ERC2: variants seen among roughly 807,000 people sequenced by gnomAD.
ERC2 encodes the protein ELKS/RAB6-interacting/CAST family member 2.
Under a neutral mutation model 114.8 loss-of-function variants are expected in ERC2, and 42 were observed. The ratio of observed to expected loss-of-function variants is 0.37; its 90% CI spans 0.29 to 0.47. ERC2 has a LOEUF of 0.47. Among genes scored for constraint, ERC2 ranks in the 20% least tolerant of loss-of-function variants. ERC2 has a pLI of 0.99. For synonymous variants in ERC2, 454 were observed against 425.5 expected, an observed-to-expected ratio of 1.07 and a Z score of -0.82; for missense variants, 939 against 1,150.7, an observed-to-expected ratio of 0.82 and a Z score of 2.66.
intron 11 of ERC2, among the ~76,000 whole-genome samples, chr3:55,990,152 T>G (rs1474497504): frequency 1.3e-5 from 2 of 152,204 alleles, no homozygotes; most frequent in Admixed American, 6.5e-5. Context: ...TCCCCACTTT[T>G]TAAGAACCAG....
intron 17 of ERC2, among the ~76,000 whole-genome samples, chr3:55,541,863 C>T (rs970721764): frequency 1.3e-5 from 2 of 152,152 alleles, no homozygotes; most frequent in Admixed American, 6.5e-5. Flanking sequence ...TATGCCAAGT[C>T]AATGTTTTTT....
At chr3:55,732,209 C>T (rs2065293277) in intron 15 of ERC2, among the ~76,000 whole-genome samples, 1 of 152,092 alleles carries the variant, frequency 6.6e-6, no homozygotes, top group African/African-American at 2.4e-5. Context: ...GGATACAAGA[C>T]CCAGCATGGA....
intron 17 of ERC2, among the ~76,000 whole-genome samples, chr3:55,572,488 T>C (rs1466501326): frequency 1.3e-5 from 2 of 152,264 alleles, no homozygotes; most frequent in African/African-American, 2.4e-5. Flanking sequence ...GGGCCATTTT[T>C]TGGACCCTCA....
chr3:55,673,388 T>A (rs1204485041), intron 17 of ERC2, among the ~76,000 whole-genome samples: 1 of 152,030 alleles, frequency 6.6e-6, no homozygotes, highest in East Asian at 1.9e-4. Context: ...ATTGAGACCA[T>A]CCTGGCCAAC....
intron 3 of ERC2, among the ~76,000 whole-genome samples, chr3:56,286,749 T>G (rs1450780089): frequency 2.6e-5 from 4 of 151,608 alleles, no homozygotes; most frequent in Non-Finnish European, 4.4e-5. Flanking sequence ...GTAAAAAACA[T>G]TCTTAGCTCC....
intron 14 of ERC2, among the ~76,000 whole-genome samples, chr3:55,834,419 C>T (rs2060774903): frequency 6.6e-6 from 1 of 152,054 alleles, no homozygotes; most frequent in Non-Finnish European, 1.5e-5. Flanking sequence ...TCTCTCAGAC[C>T]ACAGTGCAAT....
chr3:56,208,133 G>A (rs1324628546), intron 3 of ERC2, among the ~76,000 whole-genome samples: 1 of 152,130 alleles, frequency 6.6e-6, no homozygotes, highest in Admixed American at 6.5e-5. Context: ...ATAAACTGAC[G>A]CATCTTCAAC....
intron 7 of ERC2, among the ~76,000 whole-genome samples, chr3:56,070,209 C>T (rs2076665869): frequency 6.6e-6 from 1 of 152,162 alleles, no homozygotes; most frequent in Non-Finnish European, 1.5e-5. Context: ...TTCCTTCCCA[C>T]ATAAATAAGG....
At chr3:56,180,415 C>A (rs553363328) in intron 3 of ERC2, among the ~76,000 whole-genome samples, 4 of 152,194 alleles carry the variant, frequency 2.6e-5, no homozygotes, top group African/African-American at 7.2e-5. Flanking sequence ...AGAAGCAACC[C>A]AAATGTCCAT....
At chr3:56,291,007 T>C (rs1417065169) in intron 3 of ERC2, among the ~76,000 whole-genome samples, 1 of 152,236 alleles carries the variant, frequency 6.6e-6, no homozygotes, top group Non-Finnish European at 1.5e-5. Context: ...CAGCAGAACA[T>C]ATACTGCTTC....
intron 3 of ERC2, among the ~76,000 whole-genome samples, chr3:56,224,214 G>A (rs557067448): frequency 6.6e-6 from 1 of 152,222 alleles, no homozygotes; most frequent in South Asian, 2.1e-4. Context: ...AAGGGAATGT[G>A]GTAAAATTTT....
At chr3:55,842,071 CTTAAG>C (rs559467368) in intron 14 of ERC2, among the ~76,000 whole-genome samples, 41 of 152,184 alleles carry the variant, frequency 2.7e-4, no homozygotes, top group South Asian at 1.5e-3. Flanking sequence ...AGTGAAGTAA[CTTAAG>C]TTAACTAGCA....
At chr3:55,969,020 T>C (rs565984689) in intron 12 of ERC2, among the ~76,000 whole-genome samples, 25 of 152,184 alleles carry the variant, frequency 1.6e-4, no homozygotes, top group Admixed American at 1.3e-3. Context: ...AGATAACTGT[T>C]TCCCCAGTCA....
rs1028587441 is a variant in ERC2, at chr3:56,139,253, C to T, written c.1473+256G>A. On this transcript the variant is annotated intron_variant, in intron 6 of 17. Coordinates refer to ENST00000288221, the MANE Select transcript of ERC2 (RefSeq NM_015576.3). ...CTAATTATACAGTCTTTATTTATCCCACTTAGTATAAGAAATTTTTTTAAT... is the reference window on the plus strand; with the variant it reads ...CTAATTATACAGTCTTTATTTATCCTACTTAGTATAAGAAATTTTTTTAAT... Among the ~76,000 whole-genome samples, 3 of 152,200 alleles carry T rather than the reference C, an allele frequency of 2.0e-5. No homozygotes were observed. In the South Asian group the frequency reaches 6.2e-4, roughly 32 times the overall value.
intron 14 of ERC2, among the ~76,000 whole-genome samples, chr3:55,754,871 C>A (rs572587597): frequency 6.6e-6 from 1 of 152,030 alleles, no homozygotes; most frequent in Non-Finnish European, 1.5e-5. Context: ...ATCTATAACC[C>A]ATAAGCTGTA....
chr3:56,191,287 AG>A (rs1424614017), intron 3 of ERC2, among the ~76,000 whole-genome samples: 18 of 152,096 alleles, frequency 1.2e-4, no homozygotes, highest in African/African-American at 4.3e-4. Context: ...TTGGAGCAAG[AG>A]GTATAGAGTC....
intron 2 of ERC2, among the ~76,000 whole-genome samples, chr3:56,363,169 T>C (rs1262819854): frequency 1.3e-5 from 2 of 152,196 alleles, no homozygotes; most frequent in African/African-American, 4.8e-5. Context: ...AGGAATGCAA[T>C]GAGAAATAGA....
Position 55,918,710 on chromosome 3 carries a change from C to T in ERC2, c.2404-30161G>A, listed in dbSNP as rs1403413356. Among the ~76,000 whole-genome samples the T allele has an allele frequency of 2.6e-5, 4 of 151,462 alleles. No individual in the cohort carries two copies. In the South Asian group the frequency reaches 6.3e-4, roughly 24 times the overall value. ...ATCCACCCTATCATAGGATAAGAAG[C>T]CATATGGAGATCTGAAGTGCCCTAG... On this transcript the variant is annotated intron_variant, in intron 13 of 17. Coordinates refer to ENST00000288221, the MANE Select transcript of ERC2 (RefSeq NM_015576.3).
chr3:56,057,114 C>T (rs916774189), intron 7 of ERC2, among the ~76,000 whole-genome samples: 1 of 152,174 alleles, frequency 6.6e-6, no homozygotes, highest in Non-Finnish European at 1.5e-5. Context: ...CACAAACACA[C>T]CATTAAACAA....
Sources: allele counts gnomAD v4.1 joint callset (sites outside exome capture counted in the v4.1 genomes callset), GRCh38; gene constraint gnomAD v4.1.1; transcripts MANE v1.5; gene names NCBI Gene and HGNC (gene_info 2026-07-23, HGNC 2026-07-21).